CFAP410: variants seen among roughly 807,000 people sequenced by gnomAD.
The protein encoded by CFAP410 is cilia and flagella associated protein 410, also known as cilia- and flagella-associated protein 410.
Under a neutral mutation model 25.7 loss-of-function variants are expected in CFAP410, and 27 were observed. The ratio of observed to expected loss-of-function variants is 1.05; its 90% confidence interval spans 0.77 to 1.45. The LOEUF is 1.45. Ranked by LOEUF, CFAP410 falls within the 40% of genes most tolerant of loss-of-function variation. The pLI, the probability that CFAP410 is intolerant of heterozygous loss-of-function variation, is 0.00. For synonymous variants in CFAP410, 178 were observed against 158.4 expected, an observed-to-expected ratio of 1.12 and a Z score of -0.93; for missense variants, 428 against 354.1, an observed-to-expected ratio of 1.21 and a Z score of -1.67.
intron 3 of CFAP410, chr21:44,334,527 C>CCCCCCCCA: frequency 5.6e-5 from 1 of 17,860 alleles, no homozygotes; most frequent in South Asian, 6.4e-4. Flanking sequence ...ACCCCCCCCC[C>CCCCCCCCA]CCCCCCGCTC....
intron 2 of CFAP410, among the ~76,000 whole-genome samples, chr21:44,336,526 G>A (rs747712568): frequency 5.3e-5 from 8 of 152,148 alleles, no homozygotes; most frequent in Non-Finnish European, 1.2e-4. Flanking sequence ...GGTCCACAAA[G>A]CCTCACAACC....
Position 44,335,779 on chromosome 21 carries a change from C to T in CFAP410, c.122G>A (p.Ser41Asn), listed in dbSNP as rs1480194613. Residue 41 changes from serine to asparagine, a missense_variant, in exon 3 of 7, where the codon AGC (serine) becomes AAC (asparagine). Physicochemically the swap from Ser to Asn is conservative, Grantham distance 46. Coordinates refer to ENST00000339818, the MANE Select transcript of CFAP410 (RefSeq NM_004928.3). ...GTACCTGAGCGTGATCACCTCCAGG[C>T]TGGGCATCTCCTGGCAAATGGAGAT... Reference protein sequence around the residue: ...TDISICQEMPSLEVITLSVNS... With the variant: ...TDISICQEMPNLEVITLSVNS... 1 of 1,593,002 alleles carries T rather than the reference C, an allele frequency of 6.3e-7. No individual in the cohort carries two copies. The highest frequency in any genetic ancestry group is 1.7e-5 in the Admixed American group (1 of 57,960).
At chr21:44,330,373 T>G in intron 6 of CFAP410, 47 bp from the exon 7 acceptor site, 1 of 1,585,510 alleles carries the variant, frequency 6.3e-7, no homozygotes, top group East Asian at 2.3e-5. Flanking sequence ...ACGGCGAGGC[T>G]GCTTCCCTCC....
intron 3 of CFAP410, chr21:44,334,034 C>G (rs759215341): frequency 4.4e-6 from 2 of 449,476 alleles, no homozygotes; most frequent in South Asian, 3.1e-5. Flanking sequence ...TCATGCAGCT[C>G]CTAGCTATGA....
intron 2 of CFAP410, among the ~76,000 whole-genome samples, chr21:44,337,083 T>TAAAA (rs35988245): frequency 1.2e-3 from 145 of 121,852 alleles, no homozygotes; most frequent in South Asian, 7.8e-3. Flanking sequence ...AGACTCCGTG[T>TAAAA]AAAAAAAAAA....
At chr21:44,337,417 T>C (rs2047776205) in intron 2 of CFAP410, among the ~76,000 whole-genome samples, 1 of 152,190 alleles carries the variant, frequency 6.6e-6, no homozygotes, top group South Asian at 2.1e-4. Flanking sequence ...GTTTCATTTA[T>C]AGGGATGTTG....
intron 2 of CFAP410, among the ~76,000 whole-genome samples, chr21:44,336,465 G>A (rs900978573): frequency 6.6e-6 from 1 of 152,148 alleles, no homozygotes; most frequent in African/African-American, 2.4e-5. Flanking sequence ...GCTTGAGACT[G>A]GATCTCAGAT....
In CFAP410 at chr21:44,330,936, G is replaced by A. The variant is rs1246750445; in HGVS notation, c.546-17C>T. The A allele has an allele frequency of 2.6e-6, 4 of 1,565,424 alleles. No homozygotes were observed. The highest frequency in any genetic ancestry group is 2.6e-6 in the Non-Finnish European group (3 of 1,150,888). On this transcript the variant is annotated splice_polypyrimidine_tract_variant and intron_variant, in intron 5 of 6. Transcript: ENST00000339818. ...GCGCCGCTGCTGAGAGGGAGACAAA[G>A]GCGTGTGAGGGTCAGGGGGCTCGTG...
At position 44,339,243 on chromosome 21, in the gene CFAP410, G is replaced by T. The variant is rs894228847; in HGVS notation, c.-49C>A. 1.6e-6 allele frequency: 2 copies of T among 1,267,234 alleles called. No homozygotes were observed. Among genetic ancestry groups the T allele is most frequent in the Non-Finnish European group, 1.0e-6 (1 of 958,772 alleles). 78.5% of individuals were successfully genotyped at this position (1,267,234 alleles called of 1,614,324 possible). A position where few individuals can be genotyped will look rare whatever the true frequency, so the allele number is the denominator to read the frequency against. On this transcript the variant is annotated 5_prime_UTR_variant, in exon 1 of 7. Transcript: ENST00000339818. ...CGGGCGCCCCCGGCCTCCTGATCCC[G>T]GGCGGGTGACGACTGCGCGGCGCGT... is the stretch of plus-strand genomic sequence containing the variant.
chr21:44,338,180 C>G, intron 1 of CFAP410: 1 of 885,950 alleles, frequency 1.1e-6, no homozygotes, highest in Non-Finnish European at 1.5e-6. Flanking sequence ...AGCCAAAACA[C>G]CAGATATGCC....
intron 1 of CFAP410, among the ~76,000 whole-genome samples, chr21:44,337,901 G>T (rs974517640): frequency 6.6e-6 from 1 of 152,156 alleles, no homozygotes; most frequent in Admixed American, 6.6e-5. Flanking sequence ...TTTAGATAAG[G>T]AGCAGCAGGG....
chr21:44,335,872 C>G (rs1440638128), intron 2 of CFAP410, 68 bp from the exon 3 acceptor site: 2 of 1,243,128 alleles, frequency 1.6e-6, no homozygotes, highest in Non-Finnish European at 2.3e-6. Flanking sequence ...TGCCATCAGC[C>G]ACAGAGAACT....
At chr21:44,334,522 C>CCCTCAACCTCTGGGCGGGCACGCGGA in intron 3 of CFAP410, 1 of 190,854 alleles carries the variant, frequency 5.2e-6, no homozygotes, top group South Asian at 3.6e-5. Context: ...CGCGCACCCC[C>CCCTCAACCTCTGGGCGGGCACGCGGA]CCCCCCCCCC....
chr21:44,333,222 G>A lies in CFAP410; in HGVS notation c.184C>T (p.Gln62Ter). The A allele has an allele frequency of 1.2e-6, 2 of 1,612,852 alleles. No homozygotes were observed. The highest frequency in any genetic ancestry group is 1.7e-6 in the Non-Finnish European group (2 of 1,179,908). ...ISTLEPVSRCQRLSELYLRRN... is the reference protein window; with the variant it reads ...ISTLEPVSRC ...CGCAGGTACAGCTCACTCAGGCGCT[G>A]GCACCGGCTCACAGGCTCCAGGGTG... Residue 62 changes from glutamine to a stop codon, truncating the protein, a stop_gained, in exon 4 of 7, where the codon CAG (glutamine) becomes TAG (stop). Transcript: ENST00000339818. LOFTEE classifies it high-confidence loss of function.
rs1021696969 is a variant in CFAP410, at chr21:44,337,152, GAGAA to G, written c.96+493_96+496del. ...GTGTAAGTTGGGGACATTTTGGACT[GAGAA>G]AGACAATGAGGGAGAGAAGAAAAAA... is the stretch of plus-strand genomic sequence containing the variant. On this transcript the variant is annotated intron_variant, in intron 2 of 6. Coordinates refer to ENST00000339818, the MANE Select transcript of CFAP410 (RefSeq NM_004928.3). Among the ~76,000 whole-genome samples the G allele has an allele frequency of 4.0e-5, 6 of 151,878 alleles. No individual in the cohort carries two copies. The East Asian group carries it at 1.2e-3, about 29-fold the overall frequency.
Position 44,339,251 on chromosome 21 carries a change from G to A in CFAP410, c.-57C>T, listed in dbSNP as rs1239511534. The A allele has an allele frequency of 8.6e-7, 1 of 1,165,886 alleles. No homozygotes were observed. The highest frequency in any genetic ancestry group is 1.1e-6 in the Non-Finnish European group (1 of 871,430). 72.2% of individuals were successfully genotyped at this position (1,165,886 alleles called of 1,614,324 possible). On this transcript the variant is annotated 5_prime_UTR_variant, in exon 1 of 7. Transcript: ENST00000339818. Reference sequence around the variant, plus strand: ...CCCGGCCTCCTGATCCCGGGCGGGTGACGACTGCGCGGCGCGTGTCTCCAG... The same window carrying A: ...CCCGGCCTCCTGATCCCGGGCGGGTAACGACTGCGCGGCGCGTGTCTCCAG...
At position 44,335,777 on chromosome 21, in the gene CFAP410, G is replaced by C; in HGVS notation, c.124C>G (p.Leu42Val). The change falls in exon 3 of 7, where the codon CTG becomes GTG. Residue 42 changes from leucine (L) to valine (V), a missense_variant. Physicochemically the swap from Leu to Val is conservative, Grantham distance 32. Transcript: ENST00000339818. Reference sequence around the variant, plus strand: ...AGGTACCTGAGCGTGATCACCTCCAGGCTGGGCATCTCCTGGCAAATGGAG... The same window carrying C: ...AGGTACCTGAGCGTGATCACCTCCACGCTGGGCATCTCCTGGCAAATGGAG... ...DISICQEMPS[L>V]EVITLSVNSI... 1 of 1,593,142 alleles carries C rather than the reference G, an allele frequency of 6.3e-7. No homozygotes were observed. Among genetic ancestry groups the C allele is most frequent in the South Asian group, 1.1e-5 (1 of 87,862 alleles).
Position 44,339,249 on chromosome 21 carries a change from G to T in CFAP410, c.-55C>A. ...CCCCCGGCCTCCTGATCCCGGGCGG[G>T]TGACGACTGCGCGGCGCGTGTCTCC... On this transcript the variant is annotated 5_prime_UTR_variant, in exon 1 of 7. Coordinates refer to ENST00000339818, the MANE Select transcript of CFAP410 (RefSeq NM_004928.3). 1 of 1,176,690 alleles carries T rather than the reference G, an allele frequency of 8.5e-7. No individual in the cohort carries two copies. The highest frequency in any genetic ancestry group is 1.1e-6 in the Non-Finnish European group (1 of 880,474). The allele number at this position is 1,176,690 out of a possible 1,614,324, so 72.9% of individuals were successfully genotyped here.
intron 4 of CFAP410, chr21:44,332,557 C>G (rs78439236): frequency 0.036 from 6,104 of 170,290 alleles, 349 homozygotes; most frequent in African/African-American, 0.12. Flanking sequence ...AGCGCAGCAG[C>G]AGGCACTGCG....
Sources: allele counts gnomAD v4.1 joint callset (sites outside exome capture counted in the v4.1 genomes callset), GRCh38; gene constraint gnomAD v4.1.1; transcripts MANE v1.5; gene names NCBI Gene and HGNC (gene_info 2026-07-23, HGNC 2026-07-21).